FRMD4B: variants seen among roughly 807,000 people sequenced by gnomAD.
The protein encoded by FRMD4B is FERM domain containing 4B, also known as FERM domain-containing protein 4B.
FRMD4B carries 74 observed loss-of-function variants against 141.5 expected under a neutral mutation model. That is an observed-to-expected ratio of 0.52 (90% CI 0.43 to 0.63). FRMD4B has a LOEUF of 0.63. Ranked by LOEUF, FRMD4B falls within the 30% of genes least tolerant of loss-of-function variation. The pLI, the probability that FRMD4B is intolerant of heterozygous loss-of-function variation, is 0.00. For synonymous variants in FRMD4B, 506 were observed against 467.9 expected, an observed-to-expected ratio of 1.08 and a Z score of -1.05; for missense variants, 1,366 against 1,253.4, an observed-to-expected ratio of 1.09 and a Z score of -1.36.
chr3:69,302,364 G>T lies in FRMD4B; in HGVS notation c.395C>A (p.Thr132Asn), dbSNP rs1461818227. Residue 132 changes from threonine (T) to asparagine (N), a missense_variant, in exon 4 of 23, where the codon ACC (threonine) becomes AAC (asparagine). Coordinates refer to ENST00000398540, the MANE Select transcript of FRMD4B (RefSeq NM_015123.3). ...ATACCTCACAGCAAAGTGCAAAATG[G>T]TTGGGCCTGGTTTCTTGGGCAAATC... Reference protein sequence around the residue: ...DHDLPKKPGPTILHFAVRFYI... With the variant: ...DHDLPKKPGPNILHFAVRFYI... The T allele has an allele frequency of 2.5e-6, 4 of 1,603,436 alleles. No homozygotes were observed. The highest frequency in any genetic ancestry group is 1.7e-5 in the Admixed American group (1 of 59,696).
At chr3:69,472,925 CT>C (rs796453101) in intron 1 of FRMD4B, among the ~76,000 whole-genome samples, 18 of 90,890 alleles carry the variant, frequency 2.0e-4, no homozygotes, top group Non-Finnish European at 2.4e-4. Context: ...GTGAGTCTTT[CT>C]TTTTTTTTTT....
chr3:69,318,528 A>C (rs1455346879), intron 1 of FRMD4B, among the ~76,000 whole-genome samples: 1 of 152,178 alleles, frequency 6.6e-6, no homozygotes, highest in African/African-American at 2.4e-5. Flanking sequence ...TGGAGAGGGT[A>C]GCACAGATGA....
At position 69,264,350 on chromosome 3, in the gene FRMD4B, A is replaced by G. The variant is rs527705756; in HGVS notation, c.502-14251T>C. Among the ~76,000 whole-genome samples, 9 of 152,338 alleles carry G rather than the reference A, an allele frequency of 5.9e-5. No homozygotes were observed. In the South Asian group the frequency reaches 1.9e-3, roughly 32 times the overall value. ...CAGAAGCTAGAACACTCCCTGGCAC[A>G]CAGCAGGTGTTCAGTATTTGTAGAA... is the stretch of plus-strand genomic sequence containing the variant. On this transcript the variant is annotated intron_variant, in intron 5 of 22. Coordinates refer to ENST00000398540, the MANE Select transcript of FRMD4B (RefSeq NM_015123.3).
At chr3:69,480,221 T>C (rs936986551) in intron 1 of FRMD4B, among the ~76,000 whole-genome samples, 1 of 152,264 alleles carries the variant, frequency 6.6e-6, no homozygotes, top group Non-Finnish European at 1.5e-5. Flanking sequence ...AAAGTCATTC[T>C]CCATCCAGCT....
chr3:69,393,163 C>T (rs1010126592), intron 2 of FRMD4B, among the ~76,000 whole-genome samples: 3 of 152,066 alleles, frequency 2.0e-5, no homozygotes, highest in Admixed American at 6.6e-5. Flanking sequence ...ACCTATTCAG[C>T]GTCTATTCTT....
upstream of FRMD4B, among the ~76,000 whole-genome samples, chr3:69,391,047 T>G (rs1240648045): frequency 6.6e-6 from 1 of 150,570 alleles, no homozygotes; most frequent in Non-Finnish European, 1.5e-5. Flanking sequence ...TGTTTGTTAG[T>G]TTTTTTTTAC....
chr3:69,292,394 C>T (rs1700901973), intron 4 of FRMD4B, among the ~76,000 whole-genome samples: 1 of 152,226 alleles, frequency 6.6e-6, no homozygotes, highest in Non-Finnish European at 1.5e-5. Flanking sequence ...GAAGAAACCG[C>T]ATACAGGTTG....
At chr3:69,337,682 T>C (rs751975557) in intron 1 of FRMD4B, among the ~76,000 whole-genome samples, 2 of 152,206 alleles carry the variant, frequency 1.3e-5, no homozygotes, top group African/African-American at 2.4e-5. Context: ...AAGTCACTTA[T>C]GCAGCCAAAA....
chr3:69,524,102 C>T (rs1043309258), intron 1 of FRMD4B, among the ~76,000 whole-genome samples: 1 of 152,162 alleles, frequency 6.6e-6, no homozygotes, highest in African/African-American at 2.4e-5. Flanking sequence ...TATAGCAAAA[C>T]CAATTCTAGG....
In FRMD4B at chr3:69,195,309, T is replaced by C. The variant is rs1195767003; in HGVS notation, c.1290A>G (p.Leu430=). 1.9e-6 allele frequency: 3 copies of C among 1,613,278 alleles called. No individual in the cohort carries two copies. Among genetic ancestry groups the C allele is most frequent in the East Asian group, 2.2e-5 (1 of 44,882 alleles). ...CTTGTAATAGTTTCTCCTTCTTCTT[T>C]AGTTCAAGGATTTTTTCTCTCTTTT... ...EEQKREKILE[L]KKKEKLLQEK... Residue 430 remains leucine (L), a synonymous_variant, in exon 15 of 23, where the codon CTA becomes CTG. Transcript: ENST00000398540.
intron 5 of FRMD4B, among the ~76,000 whole-genome samples, chr3:69,257,292 C>G (rs1488094902): frequency 6.6e-6 from 1 of 152,208 alleles, no homozygotes; most frequent in African/African-American, 2.4e-5. Context: ...ACCCTCAGAA[C>G]TCATTATTTT....
At chr3:69,225,567 T>C (rs1263199509) in intron 7 of FRMD4B, among the ~76,000 whole-genome samples, 36 of 138,126 alleles carry the variant, frequency 2.6e-4, no homozygotes, top group Non-Finnish European at 4.8e-4. Context: ...TGGTGGTGGG[T>C]GCCTATAGTC....
chr3:69,398,712 C>A (rs1179550548), intron 2 of FRMD4B, among the ~76,000 whole-genome samples: 1 of 152,134 alleles, frequency 6.6e-6, no homozygotes, highest in Non-Finnish European at 1.5e-5. Flanking sequence ...GTAATCTAGC[C>A]AGGGCTCTGC....
chr3:69,347,902 C>T (rs1392515893), intron 1 of FRMD4B, among the ~76,000 whole-genome samples: 1 of 152,088 alleles, frequency 6.6e-6, no homozygotes, highest in Non-Finnish European at 1.5e-5. Context: ...ATTTGACACC[C>T]TAACATCACA....
At chr3:69,461,673 CA>C (rs911196410) in intron 1 of FRMD4B, among the ~76,000 whole-genome samples, 1 of 88,902 alleles carries the variant, frequency 1.1e-5, no homozygotes, top group African/African-American at 4.2e-5. Context: ...ACTCTTAAAA[CA>C]AAAAGTGAAA....
chr3:69,175,797 C>T lies in FRMD4B; in HGVS notation c.2984+727G>A, dbSNP rs1216828234. ...TTTTTTTTTTTTTTTTTTTTTGAGACGGAGATGGAGTCTCGCTCTGTCGCC... is the reference window on the plus strand; with the variant it reads ...TTTTTTTTTTTTTTTTTTTTTGAGATGGAGATGGAGTCTCGCTCTGTCGCC... On this transcript the variant is annotated intron_variant, in intron 22 of 22. Transcript: ENST00000398540. 2.3e-4 allele frequency among the ~76,000 whole-genome samples: 23 copies of T among 98,998 alleles called. 1 individual carries two copies. The highest frequency in any genetic ancestry group is 6.5e-4 in the South Asian group (2 of 3,070). The allele number at this position is 98,998 out of a possible 152,430, so 64.9% of individuals were successfully genotyped here.
At chr3:69,325,422 G>T (rs1702160018) in intron 1 of FRMD4B, among the ~76,000 whole-genome samples, 1 of 152,168 alleles carries the variant, frequency 6.6e-6, no homozygotes, top group Non-Finnish European at 1.5e-5. Flanking sequence ...GATCTGATAA[G>T]TCTGGTGAAA....
At chr3:69,466,173 G>C (rs1242362009) in intron 1 of FRMD4B, among the ~76,000 whole-genome samples, 1 of 152,082 alleles carries the variant, frequency 6.6e-6, no homozygotes, top group African/African-American at 2.4e-5. Flanking sequence ...GTGTCTGTTG[G>C]CTACATAAAC....
chr3:69,345,508 T>C (rs548786067), intron 1 of FRMD4B, among the ~76,000 whole-genome samples: 5 of 152,248 alleles, frequency 3.3e-5, no homozygotes, highest in South Asian at 2.1e-4. Context: ...CAGCAGGAGT[T>C]TGAGATCTGA....
Sources: allele counts gnomAD v4.1 joint callset (sites outside exome capture counted in the v4.1 genomes callset), GRCh38; gene constraint gnomAD v4.1.1; transcripts MANE v1.5; gene names NCBI Gene and HGNC (gene_info 2026-07-23, HGNC 2026-07-21).